PPP2R1B: variants seen among roughly 807,000 people sequenced by gnomAD.
PPP2R1B encodes the protein protein phosphatase 2 scaffold subunit Abeta.
Under a neutral mutation model 72.7 loss-of-function variants are expected in PPP2R1B, and 58 were observed. The observed-to-expected ratio is 0.80, with a 90% CI of 0.65 to 0.99. PPP2R1B has a LOEUF of 0.99. PPP2R1B is among the 50% of genes least tolerant of loss of function. The pLI, the probability that PPP2R1B is intolerant of heterozygous loss-of-function variation, is 0.00. For missense variants in PPP2R1B, 695 were observed against 733.6 expected, an observed-to-expected ratio of 0.95 and a Z score of 0.61; for synonymous variants, 256 against 264.6, an observed-to-expected ratio of 0.97 and a Z score of 0.32.
chr11:111,717,167 T>C, the PPP2R1B span, among the ~76,000 whole-genome samples: 1 of 150,730 alleles, frequency 6.6e-6, no homozygotes, highest in Non-Finnish European at 1.5e-5. Context: ...GCAAGAAAAA[T>C]TAGCCGGGCG....
the PPP2R1B span, among the ~76,000 whole-genome samples, chr11:111,699,476 G>A: frequency 6.6e-6 from 1 of 152,066 alleles, no homozygotes; most frequent in Non-Finnish European, 1.5e-5. Flanking sequence ...CATCCTATCT[G>A]GGTAGGTGGA....
chr11:111,737,706 G>A, downstream of PPP2R1B: 3 of 1,460,414 alleles, frequency 2.1e-6, no homozygotes, highest in Non-Finnish European at 2.8e-6. Context: ...ACAAGTATAT[G>A]GGGCACTGGG....
rs1227017839 is a variant in PPP2R1B, at chr11:111,742,164, T to C, written c.1698-20A>G. 16 of 1,581,772 alleles carry C rather than the reference T, an allele frequency of 1.0e-5. No individual in the cohort carries two copies. The highest frequency in any genetic ancestry group is 1.1e-5 in the Non-Finnish European group (13 of 1,151,090). On this transcript the variant is annotated intron_variant, in intron 13 of 14. Transcript: ENST00000527614. ...AAAGCACTGACATTCAAAAGTATTATCTGTGAAAGACAGTCTAATGGGCCA... is the reference window on the plus strand; with the variant it reads ...AAAGCACTGACATTCAAAAGTATTACCTGTGAAAGACAGTCTAATGGGCCA...
At position 111,739,929 on chromosome 11, in the gene PPP2R1B, TA is replaced by T. The variant is rs1233137177; in HGVS notation, c.*1666del. ...TTTGGCAGTTTAAAATGCAGACAGA[TA>T]ACCTCTGATTTACAATTTCTATTTT... On this transcript the variant is annotated 3_prime_UTR_variant, in exon 15 of 15. Coordinates refer to ENST00000527614, the MANE Select transcript of PPP2R1B (RefSeq NM_002716.5). 6.1e-6 allele frequency: 6 copies of T among 980,260 alleles called. No individual in the cohort carries two copies. In the African/African-American group the frequency reaches 1.1e-4, roughly 17 times the overall value. 60.7% of individuals were successfully genotyped at this position (980,260 alleles called of 1,614,324 possible). A position where few individuals can be genotyped will look rare whatever the true frequency, so the allele number is the denominator to read the frequency against.
chr11:111,766,380 G>T lies in PPP2R1B; in HGVS notation c.-19C>A. The T allele has an allele frequency of 4.2e-6, 2 of 472,402 alleles. No individual in the cohort carries two copies. Among genetic ancestry groups the T allele is most frequent in the Non-Finnish European group, 6.5e-6 (2 of 308,384 alleles). The allele number at this position is 472,402 out of a possible 1,614,324, so 29.3% of individuals were successfully genotyped here. A position where few individuals can be genotyped will look rare whatever the true frequency, so the allele number is the denominator to read the frequency against. ...CCGCCATGTTCTTTCTCCTCCTGCT[G>T]CTGGTCACCGCCTCCCGCCCCGCGC... is the stretch of plus-strand genomic sequence containing the variant. On this transcript the variant is annotated 5_prime_UTR_variant, in exon 1 of 15. Transcript: ENST00000527614.
downstream of PPP2R1B, chr11:111,724,671 G>C (rs976309456): frequency 6.4e-6 from 1 of 156,506 alleles, no homozygotes; most frequent in African/African-American, 2.4e-5. Context: ...GCTGATGCAA[G>C]TTGTCCCCCA....
chr11:111,721,690 G>A, the PPP2R1B span: 2 of 574,990 alleles, frequency 3.5e-6, no homozygotes, highest in African/African-American at 1.9e-5. Flanking sequence ...CAGCCTACTG[G>A]CTCTGTAAAA....
chr11:111,732,449 G>A (rs1944223758), intron 15 of PPP2R1B, among the ~76,000 whole-genome samples: 1 of 152,178 alleles, frequency 6.6e-6, no homozygotes, highest in South Asian at 2.1e-4. Context: ...CCAACACCTT[G>A]GGAGGCAGAG....
At chr11:111,695,162 A>G in the PPP2R1B span, among the ~76,000 whole-genome samples, 10 of 152,266 alleles carry the variant, frequency 6.6e-5, 1 homozygote, top group South Asian at 2.1e-3. Flanking sequence ...CTTCACTCCT[A>G]TTATAATTAC....
downstream of PPP2R1B, among the ~76,000 whole-genome samples, chr11:111,734,245 GCT>G (rs1324837176): frequency 4.6e-5 from 7 of 152,316 alleles, no homozygotes; most frequent in African/African-American, 7.2e-5. Flanking sequence ...TTGCCTGTGA[GCT>G]CTGTCTTCAC....
chr11:111,745,809 A>G (rs1020148036), intron 11 of PPP2R1B, among the ~76,000 whole-genome samples: 5 of 152,200 alleles, frequency 3.3e-5, no homozygotes, highest in African/African-American at 1.2e-4. Context: ...AATTTTCACA[A>G]TGTTCTTTTA....
At chr11:111,693,876 G>A in the PPP2R1B span, among the ~76,000 whole-genome samples, 1 of 152,160 alleles carries the variant, frequency 6.6e-6, no homozygotes, top group South Asian at 2.1e-4. Flanking sequence ...GTCAGAGTAT[G>A]GGCTGTGTAG....
At chr11:111,720,680 C>T in the PPP2R1B span, 1 of 1,614,026 alleles carries the variant, frequency 6.2e-7, no homozygotes, top group Non-Finnish European at 8.5e-7. Flanking sequence ...AGGCTCTGAG[C>T]TCCCAGAAAC....
At chr11:111,728,009 A>G (rs970108496) in intron 15 of PPP2R1B, 3 of 152,362 alleles carry the variant, frequency 2.0e-5, no homozygotes, top group Middle Eastern at 3.4e-3. Flanking sequence ...TACTCCAGGT[A>G]ACTTTTTCCC....
the PPP2R1B span, among the ~76,000 whole-genome samples, chr11:111,693,299 C>T: frequency 2.0e-5 from 3 of 151,568 alleles, no homozygotes; most frequent in Non-Finnish European, 2.9e-5. Flanking sequence ...GTGCCACTGC[C>T]CTCCAGCCTG....
the PPP2R1B span, among the ~76,000 whole-genome samples, chr11:111,697,015 A>C: frequency 5.9e-5 from 9 of 152,130 alleles, no homozygotes; most frequent in African/African-American, 9.7e-5. Context: ...TTTTGCTGCC[A>C]CTTTTTAACC....
At chr11:111,736,908 G>T (rs115500792), downstream of PPP2R1B, among the ~76,000 whole-genome samples, 3 of 152,182 alleles carry the variant, frequency 2.0e-5, no homozygotes, top group Admixed American at 2.0e-4. Context: ...CCCTCCTAAT[G>T]AATGGCCCTG....
the PPP2R1B span, among the ~76,000 whole-genome samples, chr11:111,688,342 CATT>C: frequency 6.6e-6 from 1 of 152,140 alleles, no homozygotes; most frequent in Non-Finnish European, 1.5e-5. The surrounding 1 kb of genome is among the most constrained non-coding windows in gnomAD (Gnocchi z 4.2). Context: ...GGAATGAGTT[CATT>C]ATTAATATAC....
At chr11:111,724,235 G>T (rs1010187039), downstream of PPP2R1B, 1 of 1,427,288 alleles carries the variant, frequency 7.0e-7, no homozygotes, top group African/African-American at 1.4e-5. Context: ...TCTCCCTAAC[G>T]GGGAGAAATC....
Sources: allele counts gnomAD v4.1 joint callset (sites outside exome capture counted in the v4.1 genomes callset), GRCh38; gene constraint gnomAD v4.1.1; non-coding constraint Gnocchi (gnomAD v3.1); transcripts MANE v1.5; gene names NCBI Gene and HGNC (gene_info 2026-07-23, HGNC 2026-07-21).